NR6A1: variants seen among roughly 807,000 people sequenced by gnomAD.
NR6A1 encodes nuclear receptor subfamily 6 group A member 1.
A neutral mutation model predicts 59.1 loss-of-function variants in NR6A1; 7 were observed. The ratio of observed to expected loss-of-function variants is 0.12; its 90% CI spans 0.07 to 0.22. The LOEUF (loss-of-function observed/expected upper bound fraction) is 0.22, where lower values mean the gene tolerates loss of function less well. NR6A1 is among the 10% of genes least tolerant of loss of function. The probability of loss-of-function intolerance (pLI) is 1.00; values close to 1 mark genes in which losing one functional copy is unlikely to be tolerated. For missense variants in NR6A1, 468 were observed against 611.6 expected (o/e 0.77, Z 2.48); for synonymous variants, 243 against 236.1 (o/e 1.03, Z -0.27).
chr9:124,551,490 G>A (rs557252240), intron 3 of NR6A1, among the ~76,000 whole-genome samples: 6 of 152,266 alleles, frequency 3.9e-5, no homozygotes, highest in Admixed American at 2.6e-4. Context: ...TACAAATGAA[G>A]TAGTGAAAAA....
At chr9:124,736,278 T>C (rs990359319) in intron 1 of NR6A1, among the ~76,000 whole-genome samples, 2 of 152,182 alleles carry the variant, frequency 1.3e-5, no homozygotes, top group African/African-American at 4.8e-5. Flanking sequence ...AAGCCTAATG[T>C]ACCTTCTGAA....
intron 2 of NR6A1, among the ~76,000 whole-genome samples, chr9:124,556,221 C>G (rs1171926664): frequency 1.3e-5 from 2 of 152,160 alleles, no homozygotes; most frequent in Non-Finnish European, 2.9e-5. Flanking sequence ...GCCCGAAATA[C>G]AATCACAAGT....
intron 7 of NR6A1, among the ~76,000 whole-genome samples, chr9:124,534,981 G>A (rs150657241): frequency 2.2e-3 from 340 of 152,206 alleles, no homozygotes; most frequent in East Asian, 7.9e-3. Flanking sequence ...AAAATTAGCC[G>A]GGCGTGGTGG....
chr9:124,661,905 T>A (rs1465437320), intron 2 of NR6A1, among the ~76,000 whole-genome samples: 2 of 152,206 alleles, frequency 1.3e-5, no homozygotes, highest in African/African-American at 4.8e-5. Context: ...GACATTTCTA[T>A]CACTGCAGAA....
intron 1 of NR6A1, among the ~76,000 whole-genome samples, chr9:124,768,926 A>C (rs929717813): frequency 3.3e-5 from 5 of 152,238 alleles, no homozygotes; most frequent in Non-Finnish European, 7.3e-5. Context: ...AAGGCATCAC[A>C]GAAATATACA....
chr9:124,704,170 T>C (rs1474679717), intron 2 of NR6A1, among the ~76,000 whole-genome samples: 1 of 152,244 alleles, frequency 6.6e-6, no homozygotes, highest in Non-Finnish European at 1.5e-5. Context: ...AAGTTGATCA[T>C]GGCAAATCCC....
chr9:124,698,926 T>C (rs1046006484), intron 2 of NR6A1, among the ~76,000 whole-genome samples: 20 of 152,150 alleles, frequency 1.3e-4, no homozygotes, highest in African/African-American at 4.3e-4. Context: ...CAAAATCGTA[T>C]GCCCTTTTCT....
intron 2 of NR6A1, among the ~76,000 whole-genome samples, chr9:124,609,856 A>G (rs777953888): frequency 6.6e-6 from 1 of 151,970 alleles, no homozygotes; most frequent in Non-Finnish European, 1.5e-5. Flanking sequence ...TAGGTATTTT[A>G]TTCTCTTCAT....
chr9:124,594,409 GA>G (rs927188346), intron 2 of NR6A1, among the ~76,000 whole-genome samples: 3 of 151,808 alleles, frequency 2.0e-5, no homozygotes, highest in Non-Finnish European at 4.4e-5. Flanking sequence ...CAAGCTCGTC[GA>G]AAAAAAATCT....
intron 7 of NR6A1, among the ~76,000 whole-genome samples, chr9:124,529,856 G>A (rs937826999): frequency 4.6e-5 from 7 of 152,086 alleles, no homozygotes; most frequent in Non-Finnish European, 1.0e-4. Flanking sequence ...TTATGTTCTT[G>A]GGAGTGGGAA....
intron 2 of NR6A1, among the ~76,000 whole-genome samples, chr9:124,581,963 A>C (rs1405698938): frequency 6.6e-6 from 1 of 152,240 alleles, no homozygotes; most frequent in Non-Finnish European, 1.5e-5. Context: ...GAATGCTTTT[A>C]TACTTTTGGT....
At chr9:124,723,171 G>A (rs966747526) in intron 2 of NR6A1, among the ~76,000 whole-genome samples, 3 of 151,904 alleles carry the variant, frequency 2.0e-5, no homozygotes, top group African/African-American at 7.3e-5. Flanking sequence ...TAAAGTCTGA[G>A]TAAACAGGAA....
chr9:124,676,813 A>G (rs1285019636), intron 2 of NR6A1, among the ~76,000 whole-genome samples: 1 of 152,234 alleles, frequency 6.6e-6, no homozygotes, highest in East Asian at 1.9e-4. Flanking sequence ...TCTTCTCACA[A>G]TATCAGATAT....
chr9:124,599,613 T>TC, intron 2 of NR6A1: 1 of 1,175,498 alleles, frequency 8.5e-7, no homozygotes, highest in South Asian at 1.5e-5. Context: ...CTCGGCTGAG[T>TC]CGGTCGTCGC....
At chr9:124,765,433 G>C (rs559396217) in intron 1 of NR6A1, among the ~76,000 whole-genome samples, 1 of 152,298 alleles carries the variant, frequency 6.6e-6, no homozygotes, top group South Asian at 2.1e-4. Context: ...AATTTGGCCA[G>C]TTTGCTTCTG....
At chr9:124,626,432 C>G (rs1375774010) in intron 2 of NR6A1, among the ~76,000 whole-genome samples, 1 of 152,348 alleles carries the variant, frequency 6.6e-6, no homozygotes, top group East Asian at 1.9e-4. Context: ...AGAATAATGA[C>G]TCATACATCT....
chr9:124,645,233 A>G (rs1407561952), intron 2 of NR6A1, among the ~76,000 whole-genome samples: 1 of 152,250 alleles, frequency 6.6e-6, no homozygotes, highest in Non-Finnish European at 1.5e-5. Context: ...AATGTGTAGA[A>G]GAGAAAAAGA....
intron 1 of NR6A1, among the ~76,000 whole-genome samples, chr9:124,768,585 A>G (rs1387876261): frequency 6.6e-6 from 1 of 152,240 alleles, no homozygotes; most frequent in Non-Finnish European, 1.5e-5. Context: ...CAGCAAAAAG[A>G]AAACATCTGT....
At chr9:124,538,995 G>C (rs1011039649) in intron 5 of NR6A1, among the ~76,000 whole-genome samples, 1 of 151,348 alleles carries the variant, frequency 6.6e-6, no homozygotes, top group Admixed American at 6.6e-5. Context: ...ATCACTTAAG[G>C]CTAGGAATTT....
Sources: gnomAD v4.1 joint callset for allele counts (sites outside exome capture counted in the v4.1 genomes callset) on GRCh38, gnomAD v4.1.1 for gene constraint, MANE v1.5 for transcripts, NCBI Gene and HGNC (gene_info 2026-07-23, HGNC 2026-07-21) for gene names.